CHM: variants seen among roughly 807,000 people sequenced by gnomAD.
The protein encoded by CHM is CHM Rab escort protein.
Under a neutral mutation model 49.0 loss-of-function variants are expected in CHM, and 10 were observed. The observed-to-expected ratio is 0.20, with a 90% CI of 0.13 to 0.35. CHM has a LOEUF of 0.35. CHM is among the 10% of genes least tolerant of loss of function. The pLI, the probability that CHM is intolerant of heterozygous loss-of-function variation, is 1.00. For missense variants in CHM, 455 were observed against 478.4 expected (o/e 0.95, Z 0.46); for synonymous variants, 184 against 167.5 (o/e 1.10, Z -0.76).
intron 1 of CHM, among the ~76,000 whole-genome samples, chrX:86,034,112 C>G (rs1934142994): frequency 9.0e-6 from 1 of 111,233 alleles, no homozygotes; most frequent in East Asian, 2.8e-4. Flanking sequence ...TGTGACCTCA[C>G]GAAAGTCACT....
intron 8 of CHM, among the ~76,000 whole-genome samples, chrX:85,913,486 C>T (rs1264257716): frequency 1.8e-5 from 2 of 109,116 alleles, no homozygotes; most frequent in Non-Finnish European, 1.9e-5. Flanking sequence ...CAGGAGTAGA[C>T]GTCAGAATGA....
At chrX:85,902,443 T>C (rs1019845339) in intron 9 of CHM, among the ~76,000 whole-genome samples, 3 of 111,837 alleles carry the variant, frequency 2.7e-5, no homozygotes, top group African/African-American at 9.7e-5. Context: ...TAGTCTATGA[T>C]GTCTAGTGAT....
rs1175612871 is a variant in CHM, at chrX:85,864,557, A to C, written c.*73T>G. On this transcript the variant is annotated 3_prime_UTR_variant, in exon 15 of 15. Coordinates refer to ENST00000357749, the MANE Select transcript of CHM (RefSeq NM_000390.4). Reference sequence around the variant, plus strand: ...TGCTGCTTTCTAACATTTCTCAAACAGTCCTTCTATCAAGTAGACTCTGAG... The same window carrying C: ...TGCTGCTTTCTAACATTTCTCAAACCGTCCTTCTATCAAGTAGACTCTGAG... 2.9e-5 allele frequency: 26 copies of C among 895,637 alleles called. No homozygotes were observed. The highest frequency in any genetic ancestry group is 4.2e-5 in the Non-Finnish European group (26 of 620,013). The allele number at this position is 895,637 out of a possible 1,213,427, so 73.8% of individuals were successfully genotyped here.
chrX:85,988,499 C>A (rs1451831437), intron 2 of CHM, among the ~76,000 whole-genome samples: 1 of 111,564 alleles, frequency 9.0e-6, no homozygotes, highest in Admixed American at 9.5e-5. Context: ...GAAGTCCTAG[C>A]CAGATCAATT....
intron 1 of CHM, among the ~76,000 whole-genome samples, chrX:86,036,928 T>C (rs1337088124): frequency 1.8e-5 from 2 of 110,974 alleles, no homozygotes; most frequent in Admixed American, 9.6e-5. Flanking sequence ...TTTATTCTAC[T>C]TTTTTATGTT....
At chrX:86,020,913 GATAT>G (rs201483592) in intron 2 of CHM, among the ~76,000 whole-genome samples, 2 of 97,637 alleles carry the variant, frequency 2.0e-5, no homozygotes, top group African/African-American at 3.8e-5. Context: ...ACATACATCT[GATAT>G]ATATATCTTA....
At chrX:85,965,542 A>G (rs1930531650) in intron 4 of CHM, among the ~76,000 whole-genome samples, 1 of 111,705 alleles carries the variant, frequency 9.0e-6, no homozygotes, top group African/African-American at 3.3e-5. Flanking sequence ...TTAATTAATA[A>G]TGGTTTATAC....
chrX:85,920,605 C>G (rs1030767670), intron 8 of CHM, among the ~76,000 whole-genome samples: 15 of 112,367 alleles, frequency 1.3e-4, no homozygotes, highest in African/African-American at 4.9e-4. Context: ...TGAGTGCTTA[C>G]TACACAACAG....
intron 11 of CHM, among the ~76,000 whole-genome samples, chrX:85,897,737 C>G (rs777410302): frequency 9.0e-6 from 1 of 110,659 alleles, no homozygotes; most frequent in Non-Finnish European, 1.9e-5. Flanking sequence ...TGCTGAAGGT[C>G]CAGCTGAATA....
intron 1 of CHM, among the ~76,000 whole-genome samples, chrX:86,036,084 T>C (rs904509630): frequency 9.0e-6 from 1 of 111,050 alleles, no homozygotes; most frequent in Non-Finnish European, 1.9e-5. Context: ...TGAGACACCA[T>C]GCCCAGCCAA....
intron 1 of CHM, among the ~76,000 whole-genome samples, chrX:86,041,794 C>T (rs1313694900): frequency 9.9e-6 from 1 of 100,728 alleles, no homozygotes; most frequent in Non-Finnish European, 2.0e-5. Flanking sequence ...ATCCTTACTA[C>T]ATGCATTCTG....
At position 85,861,312 on chromosome X, in the gene CHM, A is replaced by G. The variant is rs1221717805; in HGVS notation, c.*3318T>C. 1.8e-5 allele frequency: 2 copies of G among 112,219 alleles called. No individual in the cohort carries two copies. Among genetic ancestry groups the G allele is most frequent in the African/African-American group, 6.5e-5 (2 of 30,918 alleles). 9.2% of individuals were successfully genotyped at this position (112,219 alleles called of 1,213,427 possible). A position where few individuals can be genotyped will look rare whatever the true frequency, so the allele number is the denominator to read the frequency against. On this transcript the variant is annotated 3_prime_UTR_variant, in exon 15 of 15. Transcript: ENST00000357749. Reference sequence around the variant, plus strand: ...CAAATTATTCAATATCAATAGCAGTAAATAACTTATTTGCAAGAAAATTAT... The same window carrying G: ...CAAATTATTCAATATCAATAGCAGTGAATAACTTATTTGCAAGAAAATTAT...
At chrX:85,893,635 T>C (rs758915383) in intron 12 of CHM, among the ~76,000 whole-genome samples, 1 of 111,034 alleles carries the variant, frequency 9.0e-6, no homozygotes, top group South Asian at 3.9e-4. Flanking sequence ...TAAATGGGAT[T>C]AGTGCTCTTA....
At chrX:86,039,566 TAGTG>T (rs754215667) in intron 1 of CHM, among the ~76,000 whole-genome samples, 1,358 of 106,487 alleles carry the variant, frequency 0.013, 19 homozygotes, top group African/African-American at 0.041. Context: ...GAGTAGAAGT[TAGTG>T]AGTGACAGGG....
intron 13 of CHM, among the ~76,000 whole-genome samples, chrX:85,873,516 G>A (rs1357570429): frequency 9.0e-6 from 1 of 111,437 alleles, no homozygotes; most frequent in East Asian, 2.8e-4. Context: ...ATTTCCTTAT[G>A]TTTCAAATGG....
chrX:85,888,667 T>C lies in CHM; in HGVS notation c.1510+5521A>G, dbSNP rs908011908. ...ATCATATATCTCCAAGTAAGAGCCA[T>C]AGAAACTGACAACTGGAAACACCAA... On this transcript the variant is annotated intron_variant, in intron 12 of 14. Coordinates refer to ENST00000357749, the MANE Select transcript of CHM (RefSeq NM_000390.4). Among the ~76,000 whole-genome samples the C allele has an allele frequency of 1.3e-4, 14 of 111,241 alleles. 1 individual carries two copies. In the East Asian group the frequency reaches 2.6e-3, roughly 20 times the overall value.
intron 8 of CHM, among the ~76,000 whole-genome samples, chrX:85,924,360 G>A: frequency 9.0e-6 from 1 of 111,330 alleles, no homozygotes; most frequent in South Asian, 3.8e-4. Flanking sequence ...CAGAAGGGAG[G>A]TGTCTTCCTC....
chrX:85,971,661 G>C (rs1930922163), intron 4 of CHM: 1 of 226,196 alleles, frequency 4.4e-6, no homozygotes, highest in South Asian at 4.8e-5. Flanking sequence ...AAGGGGACCG[G>C]AGCTGGTTGC....
chrX:85,867,393 C>T (rs1325754530), intron 14 of CHM, among the ~76,000 whole-genome samples: 1 of 111,916 alleles, frequency 8.9e-6, no homozygotes, highest in Non-Finnish European at 1.9e-5. Context: ...GTCAATTAAA[C>T]CTCTTTTGTT....
Sources: allele counts gnomAD v4.1 joint callset (sites outside exome capture counted in the v4.1 genomes callset), GRCh38; gene constraint gnomAD v4.1.1; transcripts MANE v1.5; gene names NCBI Gene and HGNC (gene_info 2026-07-23, HGNC 2026-07-21).